The following TASP1 variants were observed in gnomAD, a reference collection of about 807,000 sequenced individuals.
TASP1 encodes the protein threonine aspartase 1.
Under a neutral mutation model 56.6 loss-of-function variants are expected in TASP1, and 16 were observed. The ratio of observed to expected loss-of-function variants is 0.28; its 90% CI spans 0.19 to 0.43. The LOEUF is 0.43. Ranked by LOEUF, TASP1 falls within the 20% of genes least tolerant of loss-of-function variation. The pLI, the probability that TASP1 is intolerant of heterozygous loss-of-function variation, is 1.00. For synonymous variants in TASP1, 179 were observed against 184.2 expected (o/e 0.97, Z 0.23); for missense variants, 393 against 511.6 (o/e 0.77, Z 2.24).
At chr20:13,105,257 C>G in the TASP1 span, among the ~76,000 whole-genome samples, 13 of 141,586 alleles carry the variant, frequency 9.2e-5, no homozygotes, top group East Asian at 2.5e-3. Context: ...GAGTTCATCC[C>G]CTGCAGGAGG....
chr20:13,369,931 G>C, the TASP1 span, among the ~76,000 whole-genome samples: 1 of 152,160 alleles, frequency 6.6e-6, no homozygotes, highest in Admixed American at 6.5e-5. Context: ...AAACAAATAT[G>C]AGTAGAGTTG....
At position 13,418,166 on chromosome 20, in the gene TASP1, C is replaced by T. The variant is rs141675365; in HGVS notation, c.1097-645G>A. On this transcript the variant is annotated intron_variant, in intron 12 of 13. Coordinates refer to ENST00000337743, the MANE Select transcript of TASP1 (RefSeq NM_017714.3). Reference sequence around the variant, plus strand: ...ACCTCAGGTGATCCACCCGCCTTGGCCTCCCAAAGTGCTGAGATTACAGGT... The same window carrying T: ...ACCTCAGGTGATCCACCCGCCTTGGTCTCCCAAAGTGCTGAGATTACAGGT... 6.6e-3 allele frequency among the ~76,000 whole-genome samples: 1,011 copies of T among 152,304 alleles called. 12 individuals carry two copies. The highest frequency in any genetic ancestry group is 0.023 in the African/African-American group (962 of 41,558).
At chr20:13,394,566 C>T (rs1175572579) in intron 13 of TASP1, among the ~76,000 whole-genome samples, 6 of 151,660 alleles carry the variant, frequency 4.0e-5, no homozygotes, top group African/African-American at 9.7e-5. Context: ...AAGCCAAGAT[C>T]GCGCCACTGC....
At chr20:13,398,387 C>A (rs186519752) in intron 13 of TASP1, among the ~76,000 whole-genome samples, 3 of 150,982 alleles carry the variant, frequency 2.0e-5, no homozygotes, top group African/African-American at 7.3e-5. Context: ...AAAAAAAAAG[C>A]GGGGGGCAGT....
chr20:13,217,175 T>C, the TASP1 span, among the ~76,000 whole-genome samples: 1 of 152,232 alleles, frequency 6.6e-6, no homozygotes, highest in Non-Finnish European at 1.5e-5. Flanking sequence ...TACTGAAATA[T>C]GTACATATGA....
chr20:13,614,958 T>C (rs2048471442), intron 4 of TASP1: 1 of 372,418 alleles, frequency 2.7e-6, no homozygotes, highest in Non-Finnish European at 5.5e-6. Context: ...TCAACCTAAA[T>C]AATTATACCT....
the TASP1 span, among the ~76,000 whole-genome samples, chr20:13,176,489 CTATT>C: frequency 1.3e-5 from 2 of 152,138 alleles, no homozygotes; most frequent in Non-Finnish European, 2.9e-5. Context: ...GTCCTTCAGT[CTATT>C]TATGTGATGT....
At chr20:13,143,322 G>T in the TASP1 span, among the ~76,000 whole-genome samples, 2 of 152,102 alleles carry the variant, frequency 1.3e-5, no homozygotes, top group Non-Finnish European at 2.9e-5. Flanking sequence ...GTGAACCATA[G>T]AATTTTTCAA....
chr20:13,184,042 A>AG, the TASP1 span, among the ~76,000 whole-genome samples: 1 of 151,688 alleles, frequency 6.6e-6, no homozygotes, highest in Non-Finnish European at 1.5e-5. Context: ...AAAAAAAAAA[A>AG]AAAGAAAGAA....
At chr20:13,342,638 G>A in the TASP1 span, among the ~76,000 whole-genome samples, 1 of 152,204 alleles carries the variant, frequency 6.6e-6, no homozygotes, top group African/African-American at 2.4e-5. Context: ...GACAATCCCC[G>A]CCTGAGGAAT....
the TASP1 span, among the ~76,000 whole-genome samples, chr20:13,180,226 C>A: frequency 2.3e-4 from 35 of 152,306 alleles, 2 homozygotes; most frequent in Admixed American, 1.6e-3. Context: ...TCACAAGATA[C>A]AAACACTGTC....
chr20:13,265,918 C>G, the TASP1 span, among the ~76,000 whole-genome samples: 1 of 152,180 alleles, frequency 6.6e-6, no homozygotes, highest in Non-Finnish European at 1.5e-5. Flanking sequence ...AGCCCACCAT[C>G]TGTCCAGTCA....
At chr20:13,245,713 T>C in the TASP1 span, among the ~76,000 whole-genome samples, 2 of 152,204 alleles carry the variant, frequency 1.3e-5, no homozygotes, top group African/African-American at 4.8e-5. Flanking sequence ...ATTTCTCTCC[T>C]TTCATGTCAA....
At chr20:13,308,728 C>T in the TASP1 span, among the ~76,000 whole-genome samples, 4 of 152,156 alleles carry the variant, frequency 2.6e-5, no homozygotes, top group East Asian at 1.9e-4. Flanking sequence ...AGGTACAGAA[C>T]ATTTGTGTTC....
chr20:13,517,571 C>A (rs1342600013), intron 10 of TASP1, among the ~76,000 whole-genome samples: 1 of 151,878 alleles, frequency 6.6e-6, no homozygotes, highest in Non-Finnish European at 1.5e-5. Context: ...TTTCATTTCC[C>A]AAATCCTATC....
At chr20:13,343,539 G>A in the TASP1 span, among the ~76,000 whole-genome samples, 1 of 152,146 alleles carries the variant, frequency 6.6e-6, no homozygotes, top group Non-Finnish European at 1.5e-5. Flanking sequence ...CGGTTCCACC[G>A]CTTCCAGGCG....
At chr20:13,327,289 C>T in the TASP1 span, among the ~76,000 whole-genome samples, 1 of 152,100 alleles carries the variant, frequency 6.6e-6, no homozygotes, top group Non-Finnish European at 1.5e-5. Flanking sequence ...GAACTACAAA[C>T]CACTGCTCAA....
the TASP1 span, among the ~76,000 whole-genome samples, chr20:13,268,347 CCTCTCTCTCTCTCTCTCT>C: frequency 0.088 from 5,862 of 66,570 alleles, 325 homozygotes; most frequent in Middle Eastern, 0.18. Flanking sequence ...CCTTCTTCTT[CCTCTCTCTCTCTCTCTCT>C]CTCTCTCTCT....
chr20:13,559,119 A>G lies in TASP1; in HGVS notation c.569-5T>C. ...TAAATGCAGCTAAACTGAATCCTATAAAATAAAAATAAAAAACATTAAATA... is the reference window on the plus strand; with the variant it reads ...TAAATGCAGCTAAACTGAATCCTATGAAATAAAAATAAAAAACATTAAATA... On this transcript the variant is annotated splice_polypyrimidine_tract_variant and splice_region_variant and intron_variant, in intron 7 of 13. Coordinates refer to ENST00000337743, the MANE Select transcript of TASP1 (RefSeq NM_017714.3). 2 of 1,503,806 alleles carry G rather than the reference A, an allele frequency of 1.3e-6. No individual in the cohort carries two copies. The highest frequency in any genetic ancestry group is 9.0e-7 in the Non-Finnish European group (1 of 1,116,892). The allele number at this position is 1,503,806 out of a possible 1,614,324, so 93.2% of individuals were successfully genotyped here.
Sources: gnomAD v4.1 joint callset for allele counts (sites outside exome capture counted in the v4.1 genomes callset) on GRCh38, gnomAD v4.1.1 for gene constraint, MANE v1.5 for transcripts, NCBI Gene and HGNC (gene_info 2026-07-23, HGNC 2026-07-21) for gene names.